The following SLIT3 variants were observed in gnomAD, a reference collection of about 807,000 sequenced individuals.
The protein encoded by SLIT3 is slit homolog 3 protein.
In SLIT3, 68 loss-of-function variants were observed where a neutral mutation model predicts 184.0. The observed-to-expected ratio is 0.37, with a 90% CI of 0.30 to 0.45. SLIT3 has a LOEUF of 0.45. Ranked by LOEUF, SLIT3 falls within the 20% of genes least tolerant of loss-of-function variation. SLIT3 has a pLI of 1.00. For synonymous variants in SLIT3, 831 were observed against 828.6 expected, an observed-to-expected ratio of 1.00 and a Z score of -0.05; for missense variants, 1,707 against 2,026.0, an observed-to-expected ratio of 0.84 and a Z score of 3.02.
intron 4 of SLIT3, among the ~76,000 whole-genome samples, chr5:169,092,106 C>A (rs1759610716): frequency 6.6e-6 from 1 of 152,140 alleles, no homozygotes; most frequent in African/African-American, 2.4e-5. Context: ...AGCTATAATC[C>A]CACCTACTTC....
chr5:169,242,608 CT>C (rs1261090535), intron 3 of SLIT3, among the ~76,000 whole-genome samples: 1 of 152,180 alleles, frequency 6.6e-6, no homozygotes, highest in African/African-American at 2.4e-5. Context: ...AAGAAGAAGA[CT>C]TTGTCCCTGA....
intron 2 of SLIT3, 133 bp from the exon 3 acceptor site, chr5:169,244,909 C>T (rs1421697362): frequency 5.2e-6 from 4 of 768,030 alleles, no homozygotes; most frequent in Non-Finnish European, 8.9e-6. Flanking sequence ...TGGGATCAGT[C>T]TGATGGGACA....
intron 4 of SLIT3, among the ~76,000 whole-genome samples, chr5:169,025,220 C>G (rs989657239): frequency 3.6e-4 from 55 of 152,254 alleles, no homozygotes; most frequent in African/African-American, 1.3e-3. Context: ...TTGAATCCAT[C>G]TGGAATTTTA....
chr5:169,031,153 G>C (rs1200435118), intron 4 of SLIT3, among the ~76,000 whole-genome samples: 2 of 152,194 alleles, frequency 1.3e-5, no homozygotes, highest in African/African-American at 4.8e-5. Context: ...GGGAAGCCTT[G>C]AAGTTTTTGC....
intron 4 of SLIT3, among the ~76,000 whole-genome samples, chr5:169,165,633 C>G (rs1351198480): frequency 3.3e-5 from 5 of 152,084 alleles, no homozygotes; most frequent in Admixed American, 3.3e-4. Context: ...TCACCTTCTT[C>G]AAGTCTTCTT....
chr5:169,222,162 ATTCT>A (rs1285500722), intron 3 of SLIT3, among the ~76,000 whole-genome samples: 4 of 152,128 alleles, frequency 2.6e-5, no homozygotes, highest in African/African-American at 9.7e-5. Flanking sequence ...CTACCTTGTT[ATTCT>A]TTCTATGTAT....
At chr5:168,877,214 G>A (rs1385834527) in intron 5 of SLIT3, among the ~76,000 whole-genome samples, 2 of 152,194 alleles carry the variant, frequency 1.3e-5, no homozygotes, top group Non-Finnish European at 2.9e-5. Flanking sequence ...GAAGAAATAT[G>A]ACTGGGTGAT....
rs944397211 is a variant in SLIT3 at position 168,665,632 on chromosome 5, G to C, written c.*822C>G. On this transcript the variant is annotated 3_prime_UTR_variant, in exon 36 of 36. Coordinates refer to ENST00000519560, the MANE Select transcript of SLIT3 (RefSeq NM_003062.4). ...GGTAAGACAGTTCCAAATGACACCT[G>C]TAGCAGACTTCAATAGTCAGTCCTC... The C allele has an allele frequency of 1.2e-4, 18 of 152,452 alleles. No homozygotes were observed. The highest frequency in any genetic ancestry group is 4.3e-4 in the African/African-American group (18 of 41,568). 9.4% of individuals were successfully genotyped at this position (152,452 alleles called of 1,614,324 possible).
intron 4 of SLIT3, among the ~76,000 whole-genome samples, chr5:169,139,053 C>T (rs1270819200): frequency 6.6e-6 from 1 of 152,208 alleles, no homozygotes; most frequent in Non-Finnish European, 1.5e-5. Flanking sequence ...TTCCTTCCCT[C>T]ACTTTTCACC....
intron 4 of SLIT3, chr5:169,030,371 C>T (rs932806597): frequency 2.6e-5 from 4 of 152,354 alleles, no homozygotes. Flanking sequence ...CTCACCCTCC[C>T]TCTTCAATTT....
At chr5:169,151,995 G>T (rs1207608330) in intron 4 of SLIT3, among the ~76,000 whole-genome samples, 3 of 152,178 alleles carry the variant, frequency 2.0e-5, no homozygotes, top group African/African-American at 7.2e-5. Context: ...TAAAGCTTGT[G>T]CAACACTTAG....
chr5:168,967,437 C>CCTTTTTTT (rs1763237303), intron 4 of SLIT3, among the ~76,000 whole-genome samples: 1 of 32,732 alleles, frequency 3.1e-5, no homozygotes, highest in African/African-American at 1.1e-4. Context: ...CATCTCAAAT[C>CCTTTTTTT]TTTTTTTTTT....
chr5:168,813,976 C>T (rs1188893084), intron 8 of SLIT3, among the ~76,000 whole-genome samples: 5 of 152,224 alleles, frequency 3.3e-5, no homozygotes, highest in African/African-American at 9.7e-5. Flanking sequence ...GCCTCTTTTC[C>T]TCCTGAGTGG....
chr5:169,151,355 T>C (rs1330288252), intron 4 of SLIT3, among the ~76,000 whole-genome samples: 3 of 152,184 alleles, frequency 2.0e-5, no homozygotes, highest in African/African-American at 7.2e-5. Context: ...TTTCTGAGAC[T>C]TCCCTGAGCT....
At chr5:169,074,243 C>A (rs1408196379) in intron 4 of SLIT3, among the ~76,000 whole-genome samples, 1 of 152,132 alleles carries the variant, frequency 6.6e-6, no homozygotes, top group Non-Finnish European at 1.5e-5. Context: ...GGTATTGTTG[C>A]TAGCTGGGTG....
At chr5:168,987,032 A>G (rs2113373741) in intron 4 of SLIT3, among the ~76,000 whole-genome samples, 1 of 152,314 alleles carries the variant, frequency 6.6e-6, no homozygotes, top group South Asian at 2.1e-4. Flanking sequence ...TGGGCAACAG[A>G]GCGAGATTCC....
chr5:168,834,614 G>A (rs1434370654), intron 6 of SLIT3, among the ~76,000 whole-genome samples: 2 of 148,658 alleles, frequency 1.3e-5, no homozygotes, highest in African/African-American at 5.0e-5. Context: ...GTGAGCCTGG[G>A]AGGTGGAGGT....
chr5:169,203,285 G>A (rs551329203), intron 3 of SLIT3, among the ~76,000 whole-genome samples: 1 of 151,684 alleles, frequency 6.6e-6, no homozygotes, highest in Admixed American at 6.6e-5. Flanking sequence ...GTACACTAGG[G>A]CTCAGACTCC....
At chr5:168,857,761 A>T (rs1758943181) in intron 5 of SLIT3, among the ~76,000 whole-genome samples, 1 of 152,230 alleles carries the variant, frequency 6.6e-6, no homozygotes, top group Admixed American at 6.5e-5. Flanking sequence ...CGGAGGGCTG[A>T]ACAGCAGGGT....
Sources: allele counts gnomAD v4.1 joint callset (sites outside exome capture counted in the v4.1 genomes callset), GRCh38; gene constraint gnomAD v4.1.1; transcripts MANE v1.5; gene names NCBI Gene and HGNC (gene_info 2026-07-23, HGNC 2026-07-21).